The following QRFPR variants were observed in gnomAD, a reference collection of about 807,000 sequenced individuals.
QRFPR encodes pyroglutamylated RF-amide peptide receptor.
Under a neutral mutation model 31.3 loss-of-function variants are expected in QRFPR, and 37 were observed. The ratio of observed to expected loss-of-function variants is 1.18; its 90% CI spans 0.91 to 1.56. The LOEUF (loss-of-function observed/expected upper bound fraction) is 1.56, where lower values mean the gene tolerates loss of function less well. QRFPR is among the 40% of genes most tolerant of loss of function. The pLI is 0.00. For synonymous variants in QRFPR, 197 were observed against 192.0 expected (o/e 1.03, Z -0.22); for missense variants, 542 against 532.5 (o/e 1.02, Z -0.18).
chr4:121,345,763 TG>T (rs2110472373), intron 1 of QRFPR, among the ~76,000 whole-genome samples: 1 of 152,352 alleles, frequency 6.6e-6, no homozygotes, highest in African/African-American at 2.4e-5. Context: ...TTGCTCTCAC[TG>T]AGAACAGTGT....
intron 1 of QRFPR, among the ~76,000 whole-genome samples, chr4:121,348,632 TAAGGA>T (rs1725702811): frequency 6.6e-6 from 1 of 152,184 alleles, no homozygotes; most frequent in South Asian, 2.1e-4. Context: ...TTCAAAATAA[TAAGGA>T]AAGTAAGCTC....
chr4:121,351,360 T>TG, intron 1 of QRFPR, among the ~76,000 whole-genome samples: 1 of 152,316 alleles, frequency 6.6e-6, no homozygotes, highest in South Asian at 2.1e-4. Context: ...GTAAGAACTG[T>TG]TTGTGTGTAT....
At chr4:121,344,781 T>C (rs546488037) in intron 1 of QRFPR, among the ~76,000 whole-genome samples, 1 of 152,312 alleles carries the variant, frequency 6.6e-6, no homozygotes, top group South Asian at 2.1e-4. Flanking sequence ...TTCAGCTTCT[T>C]GTTCTGGTAA....
At chr4:121,354,994 A>T (rs1043533538) in intron 1 of QRFPR, among the ~76,000 whole-genome samples, 2 of 152,052 alleles carry the variant, frequency 1.3e-5, no homozygotes, top group South Asian at 4.1e-4. Flanking sequence ...AGGTTTTTGC[A>T]TCTATGCTAA....
intron 1 of QRFPR, among the ~76,000 whole-genome samples, chr4:121,350,764 T>C (rs773116511): frequency 6.6e-5 from 10 of 152,196 alleles, no homozygotes; most frequent in Admixed American, 6.5e-4. Flanking sequence ...TTTTCTTATA[T>C]AAATATCAGC....
intron 1 of QRFPR, among the ~76,000 whole-genome samples, chr4:121,354,342 A>G (rs1200759444): frequency 1.4e-5 from 2 of 144,474 alleles, no homozygotes; most frequent in African/African-American, 2.5e-5. Context: ...ACCCATGAAC[A>G]TGGCATATTT....
chr4:121,330,779 A>T (rs1996529), intron 4 of QRFPR, among the ~76,000 whole-genome samples: 132,096 of 152,116 alleles, frequency 0.87, 57,982 homozygotes, highest in East Asian at 1. Flanking sequence ...TCATTAATTT[A>T]CCCAATAAGG....
Position 121,332,820 on chromosome 4 carries a change from C to T in QRFPR, c.797+1G>A. The T allele has an allele frequency of 6.2e-7, 1 of 1,603,562 alleles. No homozygotes were observed. Among genetic ancestry groups the T allele is most frequent in the South Asian group, 1.1e-5 (1 of 90,784 alleles). On this transcript the variant is annotated splice_donor_variant, in intron 4 of 5. Coordinates refer to ENST00000394427, the MANE Select transcript of QRFPR (RefSeq NM_198179.3). LOFTEE classifies it high-confidence loss of function. Reference sequence around the variant, plus strand: ...AGAGGTGAATATTTCATTAAACAGACCTGGCTATTTTGGACATTTCTTTTC... The same window carrying T: ...AGAGGTGAATATTTCATTAAACAGATCTGGCTATTTTGGACATTTCTTTTC...
At chr4:121,362,922 A>G (rs1726019695) in intron 1 of QRFPR, among the ~76,000 whole-genome samples, 1 of 150,500 alleles carries the variant, frequency 6.6e-6, no homozygotes, top group Non-Finnish European at 1.5e-5. Context: ...TATCATGCAG[A>G]GCTGTTCTTT....
chr4:121,365,580 ATTATATATATTATATAT>A (rs1726101623), intron 1 of QRFPR, among the ~76,000 whole-genome samples: 1 of 4,834 alleles, frequency 2.1e-4, no homozygotes, highest in Non-Finnish European at 3.8e-4. Context: ...TATAATATAT[ATTATATATATTATATAT>A]ATATAATATA....
intron 1 of QRFPR, chr4:121,369,994 A>C: frequency 1.3e-6 from 1 of 766,564 alleles, no homozygotes; most frequent in Admixed American, 1.7e-5. Context: ...AAAATGCTGA[A>C]AGCTTTCCTG....
At chr4:121,330,364 A>T in intron 5 of QRFPR, 62 bp downstream of exon 5, 1 of 1,128,010 alleles carries the variant, frequency 8.9e-7, no homozygotes, top group Non-Finnish European at 1.3e-6. Context: ...TCAAAGATTC[A>T]TTGTCTATTC....
intron 3 of QRFPR, among the ~76,000 whole-genome samples, chr4:121,335,594 G>GA (rs1725420740): frequency 7.7e-6 from 1 of 130,704 alleles, no homozygotes; most frequent in South Asian, 3.4e-4. Flanking sequence ...GTGGGGCGGG[G>GA]AGAGGAGTGG....
chr4:121,346,660 T>C (rs921433306), intron 1 of QRFPR, among the ~76,000 whole-genome samples: 2 of 152,342 alleles, frequency 1.3e-5, no homozygotes, highest in African/African-American at 4.8e-5. Context: ...TAAAATATGA[T>C]GTTAGCTGTA....
At chr4:121,355,503 A>G (rs966597849) in intron 1 of QRFPR, among the ~76,000 whole-genome samples, 2 of 152,064 alleles carry the variant, frequency 1.3e-5, no homozygotes, top group Non-Finnish European at 2.9e-5. Context: ...TCTGTTCAAG[A>G]AAACAACTTT....
intron 1 of QRFPR, among the ~76,000 whole-genome samples, chr4:121,344,831 A>G (rs1226529442): frequency 6.6e-6 from 1 of 152,020 alleles, no homozygotes; most frequent in Admixed American, 6.6e-5. Context: ...TCTACCCTTT[A>G]TCTTTCCCAA....
chr4:121,347,667 G>A (rs947568209), intron 1 of QRFPR, among the ~76,000 whole-genome samples: 1 of 151,988 alleles, frequency 6.6e-6, no homozygotes, highest in African/African-American at 2.4e-5. Context: ...CCTCATCTCT[G>A]TACCTCTCTC....
At chr4:121,371,771 T>C (rs1422269588) in intron 1 of QRFPR, among the ~76,000 whole-genome samples, 2 of 152,210 alleles carry the variant, frequency 1.3e-5, no homozygotes, top group African/African-American at 4.8e-5. Flanking sequence ...AAGAACTTCA[T>C]GCTAAGCAGT....
intron 5 of QRFPR, among the ~76,000 whole-genome samples, 158 bp downstream of exon 5, chr4:121,330,268 C>A (rs547648609): frequency 6.6e-6 from 1 of 152,276 alleles, no homozygotes; most frequent in African/African-American, 2.4e-5. Context: ...AATGACCTAC[C>A]ACATAATGAC....
Sources: allele counts gnomAD v4.1 joint callset (sites outside exome capture counted in the v4.1 genomes callset), GRCh38; gene constraint gnomAD v4.1.1; transcripts MANE v1.5; gene names NCBI Gene and HGNC (gene_info 2026-07-23, HGNC 2026-07-21).